Variants in CAST observed in about 807,000 individuals in gnomAD.
CAST encodes calpastatin.
A neutral mutation model predicts 119.6 loss-of-function variants in CAST; 76 were observed. The observed-to-expected ratio is 0.64, with a 90% CI of 0.53 to 0.77. The LOEUF (loss-of-function observed/expected upper bound fraction) is 0.77. CAST is among the 30% of genes least tolerant of loss of function. The pLI, the probability that CAST is intolerant of heterozygous loss-of-function variation, is 0.00. For synonymous variants in CAST, 319 were observed against 331.6 expected, an observed-to-expected ratio of 0.96 and a Z score of 0.41; for missense variants, 953 against 946.5, an observed-to-expected ratio of 1.01 and a Z score of -0.09.
At chr5:96,490,946 A>G in the CAST span, among the ~76,000 whole-genome samples, 1 of 152,200 alleles carries the variant, frequency 6.6e-6, no homozygotes, top group Non-Finnish European at 1.5e-5. Context: ...AAGGTAAGTC[A>G]TTCAGTGGGA....
the CAST span, among the ~76,000 whole-genome samples, chr5:96,262,644 C>T: frequency 6.6e-6 from 1 of 152,186 alleles, no homozygotes; most frequent in African/African-American, 2.4e-5. Flanking sequence ...ATTCTCCTGC[C>T]TCAGCCTCCC....
the CAST span, among the ~76,000 whole-genome samples, chr5:96,461,917 G>A: frequency 1.1e-3 from 170 of 152,216 alleles, 2 homozygotes; most frequent in South Asian, 0.035. Context: ...AACGCTGACT[G>A]TAACTGCTCA....
the CAST span, among the ~76,000 whole-genome samples, chr5:96,079,740 G>A: frequency 6.6e-6 from 1 of 152,012 alleles, no homozygotes; most frequent in East Asian, 1.9e-4. Context: ...GAATCAATTA[G>A]GAACATACTA....
chr5:96,595,329 G>C (rs924766125), intron 1 of CAST, among the ~76,000 whole-genome samples: 1 of 152,238 alleles, frequency 6.6e-6, no homozygotes, highest in Admixed American at 6.5e-5. Flanking sequence ...CCAGCCACAA[G>C]TGTAGTCAGT....
chr5:96,651,099 A>C (rs1179361254), intron 1 of CAST, among the ~76,000 whole-genome samples: 1 of 152,204 alleles, frequency 6.6e-6, no homozygotes, highest in Non-Finnish European at 1.5e-5. Context: ...CCCAAACAGT[A>C]CTAGAAATAA....
intron 3 of CAST, among the ~76,000 whole-genome samples, chr5:96,719,207 C>T (rs931611603): frequency 4.6e-5 from 7 of 152,192 alleles, no homozygotes; most frequent in African/African-American, 1.7e-4. Flanking sequence ...TTGCCAGGAC[C>T]TGCTGGGGAG....
the CAST span, chr5:96,412,549 A>G: frequency 1.4e-6 from 2 of 1,421,222 alleles, no homozygotes; most frequent in East Asian, 2.3e-5. Flanking sequence ...ACATGGACAA[A>G]AGCCCAATAC....
At chr5:96,761,900 T>G (rs966988805) in intron 24 of CAST, 2 of 159,648 alleles carry the variant, frequency 1.3e-5, no homozygotes, top group African/African-American at 4.8e-5. Flanking sequence ...GAGGGCAGTT[T>G]AGCAAAATAT....
the CAST span, among the ~76,000 whole-genome samples, chr5:96,459,809 C>T: frequency 5.1e-4 from 77 of 152,294 alleles, no homozygotes; most frequent in South Asian, 1.2e-3. Context: ...ATGCATAGCA[C>T]ATTTTCGGAT....
At chr5:96,106,529 G>T in the CAST span, among the ~76,000 whole-genome samples, 2 of 151,096 alleles carry the variant, frequency 1.3e-5, no homozygotes, top group Admixed American at 6.6e-5. Context: ...GTAGTTGAGC[G>T]GTTTTGAGTG....
the CAST span, among the ~76,000 whole-genome samples, chr5:96,016,433 G>A: frequency 3.3e-5 from 5 of 152,160 alleles, no homozygotes; most frequent in African/African-American, 1.2e-4. Context: ...TATCCTGTTA[G>A]TTTTTATATT....
At chr5:96,432,306 T>C in the CAST span, 2 of 620,502 alleles carry the variant, frequency 3.2e-6, no homozygotes, top group East Asian at 2.8e-5. Flanking sequence ...CCCAACCTCC[T>C]GGTCGCGAGT....
chr5:96,537,112 G>A (rs963863544), intron 1 of CAST, among the ~76,000 whole-genome samples: 3 of 152,196 alleles, frequency 2.0e-5, no homozygotes, highest in African/African-American at 7.2e-5. Context: ...TACAGTGGCT[G>A]GAATATTTGA....
the CAST span, among the ~76,000 whole-genome samples, chr5:96,218,694 T>C: frequency 5.3e-5 from 8 of 152,230 alleles, no homozygotes; most frequent in African/African-American, 1.9e-4. Flanking sequence ...GGTAAACTTA[T>C]CTAACTCCTA....
the CAST span, among the ~76,000 whole-genome samples, chr5:96,503,734 C>T: frequency 6.6e-6 from 1 of 152,162 alleles, no homozygotes; most frequent in Non-Finnish European, 1.5e-5. Context: ...GAAGCCCAAG[C>T]GCAGCAGCCC....
the CAST span, among the ~76,000 whole-genome samples, chr5:96,502,353 G>C: frequency 2.0e-5 from 3 of 152,098 alleles, no homozygotes; most frequent in Non-Finnish European, 4.4e-5. Context: ...GTTGTAAGCT[G>C]TTTGATAGCA....
chr5:96,477,497 A>G, the CAST span, among the ~76,000 whole-genome samples: 2 of 152,242 alleles, frequency 1.3e-5, no homozygotes, highest in Non-Finnish European at 2.9e-5. Context: ...TTGCTTTAAC[A>G]AAACATTGTT....
chr5:96,301,882 C>T, the CAST span, among the ~76,000 whole-genome samples: 2 of 152,110 alleles, frequency 1.3e-5, no homozygotes, highest in Non-Finnish European at 2.9e-5. Flanking sequence ...ATCTACCATT[C>T]GGGGATCTGG....
At chr5:96,113,369 CAACA>C in the CAST span, among the ~76,000 whole-genome samples, 2 of 152,076 alleles carry the variant, frequency 1.3e-5, no homozygotes, top group Non-Finnish European at 2.9e-5. Flanking sequence ...TAAGTGGGAA[CAACA>C]AACAGAAGTG....
Sources: allele counts gnomAD v4.1 joint callset (sites outside exome capture counted in the v4.1 genomes callset), GRCh38; gene constraint gnomAD v4.1.1; transcripts MANE v1.5; gene names NCBI Gene and HGNC (gene_info 2026-07-23, HGNC 2026-07-21).